Variants in CUX2 observed in about 807,000 individuals in gnomAD.
CUX2 encodes cut like homeobox 2.
Under a neutral mutation model 144.8 loss-of-function variants are expected in CUX2, and 40 were observed. That is an observed-to-expected ratio of 0.28 (90% CI 0.21 to 0.36). The LOEUF is 0.36. Ranked by LOEUF, CUX2 falls within the 10% of genes least tolerant of loss-of-function variation. CUX2 has a pLI of 1.00. For missense variants in CUX2, 1,615 were observed against 1,994.0 expected (o/e 0.81, Z 3.62); for synonymous variants, 827 against 875.6 (o/e 0.94, Z 0.98).
At chr12:111,275,227 T>C (rs1355874362) in intron 4 of CUX2, among the ~76,000 whole-genome samples, 3 of 152,204 alleles carry the variant, frequency 2.0e-5, no homozygotes, top group African/African-American at 4.8e-5. Flanking sequence ...CCCCCATCCC[T>C]GCACGCCCAT....
intron 1 of CUX2, among the ~76,000 whole-genome samples, chr12:111,103,970 CCT>C (rs1390574186): frequency 3.3e-5 from 5 of 152,188 alleles, no homozygotes; most frequent in South Asian, 2.1e-4. Flanking sequence ...TGGGATTCCC[CCT>C]GATTGGACCA....
At chr12:111,063,217 G>C (rs1397480233) in intron 1 of CUX2, among the ~76,000 whole-genome samples, 1 of 152,214 alleles carries the variant, frequency 6.6e-6, no homozygotes, top group Non-Finnish European at 1.5e-5. Flanking sequence ...CAGATGAGGA[G>C]GGGGTTGAGG....
At chr12:111,247,098 G>A (rs2136269300) in intron 3 of CUX2, among the ~76,000 whole-genome samples, 1 of 152,290 alleles carries the variant, frequency 6.6e-6, no homozygotes, top group East Asian at 1.9e-4. Context: ...CTCAGATGTG[G>A]ATATTTGTGC....
Position 111,231,112 on chromosome 12 carries a change from C to T in CUX2, c.222+13175C>T, listed in dbSNP as rs186248143. On this transcript the variant is annotated intron_variant, in intron 3 of 21. Coordinates refer to ENST00000261726, the MANE Select transcript of CUX2 (RefSeq NM_015267.4). ...TACAGTTCAATGAGTTAAGTACACT[C>T]GCCCTGTTGTGCAACCAACACCACC... Among the ~76,000 whole-genome samples the T allele has an allele frequency of 3.0e-4, 46 of 152,266 alleles. 2 individuals are homozygous for T. Among genetic ancestry groups the T allele is most frequent in the Admixed American group, 2.6e-3 (40 of 15,292 alleles).
chr12:111,238,252 C>T (rs1294394324), intron 3 of CUX2, among the ~76,000 whole-genome samples: 2 of 152,256 alleles, frequency 1.3e-5, no homozygotes, highest in East Asian at 3.8e-4. Context: ...GTCCCTCCCA[C>T]TTAACCAAAG....
chr12:111,074,366 G>A (rs369760710), intron 1 of CUX2, among the ~76,000 whole-genome samples: 2 of 152,100 alleles, frequency 1.3e-5, no homozygotes, highest in East Asian at 1.9e-4. Flanking sequence ...AGCCAAAGAC[G>A]TAGGGTAAAC....
chr12:111,177,356 G>A (rs1022084095), intron 1 of CUX2, among the ~76,000 whole-genome samples: 2 of 151,994 alleles, frequency 1.3e-5, no homozygotes, highest in African/African-American at 4.8e-5. Context: ...ACCAAGGGGT[G>A]GCTGGGGCTT....
chr12:111,157,888 C>T (rs1204152229), intron 1 of CUX2, among the ~76,000 whole-genome samples: 1 of 152,148 alleles, frequency 6.6e-6, no homozygotes, highest in African/African-American at 2.4e-5. Flanking sequence ...GCCATTCCTG[C>T]AGACATTAAG....
Position 111,061,917 on chromosome 12 carries a change from T to TAAG in CUX2, c.63+27679_63+27681dup, listed in dbSNP as rs1870792611. 1.3e-5 allele frequency among the ~76,000 whole-genome samples: 2 copies of TAAG among 152,194 alleles called. No homozygotes were observed. Among genetic ancestry groups the TAAG allele is most frequent in the African/African-American group, 4.8e-5 (2 of 41,440 alleles). ...CAAGTTCAAATTCTGCCCCTGCCAA[T>TAAG]AAGACTTCAGCGCGTGCACTCCATC... On this transcript the variant is annotated intron_variant, in intron 1 of 21. Transcript: ENST00000261726. The surrounding 1 kb of genome is among the most constrained non-coding windows in gnomAD (Gnocchi z 4.2).
At chr12:111,167,702 G>GTTTT (rs57399244) in intron 1 of CUX2, among the ~76,000 whole-genome samples, 24,727 of 142,364 alleles carry the variant, frequency 0.17, 5,659 homozygotes, top group East Asian at 0.54. Context: ...TTGTTTGTTT[G>GTTTT]TTTCTTTTTT....
chr12:111,196,667 T>C (rs1004565414), intron 1 of CUX2, among the ~76,000 whole-genome samples: 2 of 152,180 alleles, frequency 1.3e-5, no homozygotes, highest in Admixed American at 6.5e-5. Context: ...ATGATATATA[T>C]CTGAACCATC....
At chr12:111,227,925 A>G (rs1399616744) in intron 3 of CUX2, among the ~76,000 whole-genome samples, 1 of 152,170 alleles carries the variant, frequency 6.6e-6, no homozygotes, top group African/African-American at 2.4e-5. Context: ...CTCACAGCAC[A>G]CATGGCCTCA....
Position 111,053,850 on chromosome 12 carries a change from G to A in CUX2, c.63+19610G>A, listed in dbSNP as rs1469167359. ...CATTGAATGCCTGGTGGCCTGATCA[G>A]AGGTTACCTTTTAAAAACTCAGAGC... is the stretch of plus-strand genomic sequence containing the variant. On this transcript the variant is annotated intron_variant, in intron 1 of 21. Transcript: ENST00000261726. Among the ~76,000 whole-genome samples the A allele has an allele frequency of 2.0e-5, 3 of 152,200 alleles. 1 individual carries two copies. Among genetic ancestry groups the A allele is most frequent in the African/African-American group, 7.2e-5 (3 of 41,444 alleles).
At chr12:111,054,703 G>A (rs1475914112) in intron 1 of CUX2, among the ~76,000 whole-genome samples, 1 of 151,924 alleles carries the variant, frequency 6.6e-6, no homozygotes, top group South Asian at 2.1e-4. Flanking sequence ...CTTGGCTCAC[G>A]GCAGCCTCTG....
At chr12:111,288,379 A>G (rs995644646) in intron 4 of CUX2, among the ~76,000 whole-genome samples, 1 of 152,100 alleles carries the variant, frequency 6.6e-6, no homozygotes, top group African/African-American at 2.4e-5. Context: ...ATGGTGAGGC[A>G]CAGAGAGGTA....
intron 1 of CUX2, among the ~76,000 whole-genome samples, chr12:111,174,984 G>A (rs1878759905): frequency 6.6e-6 from 1 of 152,152 alleles, no homozygotes; most frequent in Non-Finnish European, 1.5e-5. Context: ...TGAGGAAGAG[G>A]AGTCACCATG....
chr12:111,040,916 C>T (rs1869715625), intron 1 of CUX2, among the ~76,000 whole-genome samples: 1 of 152,196 alleles, frequency 6.6e-6, no homozygotes, highest in African/African-American at 2.4e-5. Flanking sequence ...AGTTTGCCTG[C>T]CCTGGGTCTA....
At chr12:111,266,895 G>T (rs1248554393) in intron 4 of CUX2, among the ~76,000 whole-genome samples, 4 of 152,188 alleles carry the variant, frequency 2.6e-5, no homozygotes, top group Non-Finnish European at 5.9e-5. Flanking sequence ...CTGCAAGCTG[G>T]TTAGAAATGC....
Position 111,059,778 on chromosome 12 carries a change from C to T in CUX2, c.63+25538C>T, listed in dbSNP as rs1010204268. On this transcript the variant is annotated intron_variant, in intron 1 of 21. Coordinates refer to ENST00000261726, the MANE Select transcript of CUX2 (RefSeq NM_015267.4). The surrounding 1 kb of genome is among the most constrained non-coding windows in gnomAD (Gnocchi z 5.3). Reference sequence around the variant, plus strand: ...GGTCGTGGGGGGTCCTCAGTCCTGGCTGGGATGCCGAGGGTGGGGGCAGTG... The same window carrying T: ...GGTCGTGGGGGGTCCTCAGTCCTGGTTGGGATGCCGAGGGTGGGGGCAGTG... 2.6e-5 allele frequency among the ~76,000 whole-genome samples: 4 copies of T among 151,858 alleles called. No individual in the cohort carries two copies. The highest frequency in any genetic ancestry group is 5.9e-5 in the Non-Finnish European group (4 of 67,962).
Sources: allele counts gnomAD v4.1 joint callset (sites outside exome capture counted in the v4.1 genomes callset), GRCh38; gene constraint gnomAD v4.1.1; non-coding constraint Gnocchi (gnomAD v3.1); transcripts MANE v1.5; gene names NCBI Gene and HGNC (gene_info 2026-07-23, HGNC 2026-07-21).